GRM7: variants seen among roughly 807,000 people sequenced by gnomAD.
The protein encoded by GRM7 is metabotropic glutamate receptor 7.
In GRM7, 35 loss-of-function variants were observed where a neutral mutation model predicts 84.5. That is an observed-to-expected ratio of 0.41 (90% CI 0.32 to 0.55). The LOEUF is 0.55. Ranked by LOEUF, GRM7 falls within the 20% of genes least tolerant of loss-of-function variation. The pLI is 0.19. For missense variants in GRM7, 1,003 were observed against 1,194.6 expected (o/e 0.84, Z 2.36); for synonymous variants, 487 against 455.1 (o/e 1.07, Z -0.89).
At chr3:7,251,088 T>G (rs1697967312) in intron 2 of GRM7, among the ~76,000 whole-genome samples, 1 of 152,098 alleles carries the variant, frequency 6.6e-6, no homozygotes, top group Admixed American at 6.6e-5. Context: ...TGAAGTGTAT[T>G]CTAAGGCTTG....
At chr3:7,341,480 G>A (rs1023362639) in intron 4 of GRM7, among the ~76,000 whole-genome samples, 4 of 151,374 alleles carry the variant, frequency 2.6e-5, no homozygotes, top group African/African-American at 9.7e-5. Context: ...ACTATTTTAT[G>A]AGCCTTTGCA....
intron 1 of GRM7, among the ~76,000 whole-genome samples, chr3:7,119,385 C>A (rs1349211948): frequency 2.0e-5 from 3 of 152,060 alleles, no homozygotes; most frequent in Admixed American, 6.6e-5. Context: ...TATCAATGAT[C>A]TATTCTTGCT....
chr3:7,591,623 A>G, intron 8 of GRM7: 1 of 344,032 alleles, frequency 2.9e-6, no homozygotes, highest in East Asian at 7.8e-5. Flanking sequence ...GGGAGGTGAC[A>G]GTGCATTATA....
chr3:7,475,172 C>T (rs1399277286), intron 7 of GRM7, among the ~76,000 whole-genome samples: 2 of 152,184 alleles, frequency 1.3e-5, no homozygotes, highest in Non-Finnish European at 2.9e-5. Flanking sequence ...ACAAAGAAGT[C>T]TACGTTTCTC....
intron 1 of GRM7, among the ~76,000 whole-genome samples, chr3:7,096,510 C>A (rs752767927): frequency 2.6e-5 from 4 of 152,078 alleles, no homozygotes; most frequent in Non-Finnish European, 2.9e-5. Flanking sequence ...CCTCTCCCCC[C>A]ACTGTGATGA....
At chr3:7,357,500 C>T (rs1329429068) in intron 4 of GRM7, among the ~76,000 whole-genome samples, 2 of 152,002 alleles carry the variant, frequency 1.3e-5, no homozygotes, top group Non-Finnish European at 2.9e-5. Flanking sequence ...ATATTTTTTC[C>T]TCTAGGTTGT....
intron 2 of GRM7, among the ~76,000 whole-genome samples, chr3:7,173,718 C>A (rs1695057771): frequency 6.6e-6 from 1 of 152,140 alleles, no homozygotes; most frequent in South Asian, 2.1e-4. Context: ...CAGCCCCACC[C>A]CACATTCATT....
intron 1 of GRM7, among the ~76,000 whole-genome samples, chr3:6,865,821 A>G (rs1694919978): frequency 6.6e-6 from 1 of 152,134 alleles, no homozygotes; most frequent in South Asian, 2.1e-4. Context: ...GTGTGGTATT[A>G]CTACGGTGGT....
chr3:7,423,064 G>A (rs764044581), intron 5 of GRM7, among the ~76,000 whole-genome samples: 18 of 152,096 alleles, frequency 1.2e-4, no homozygotes, highest in Non-Finnish European at 4.4e-5. Flanking sequence ...GGACCCTGCA[G>A]TAAATAAATT....
At chr3:7,412,420 C>T (rs891739143) in intron 4 of GRM7, among the ~76,000 whole-genome samples, 1 of 152,170 alleles carries the variant, frequency 6.6e-6, no homozygotes, top group African/African-American at 2.4e-5. Context: ...TGATAGGTTT[C>T]CCTTCATACC....
At chr3:7,272,328 A>G (rs1375982341) in intron 2 of GRM7, among the ~76,000 whole-genome samples, 1 of 152,162 alleles carries the variant, frequency 6.6e-6, no homozygotes, top group Non-Finnish European at 1.5e-5. Context: ...CAATTTAGTG[A>G]TCTTTTTTCT....
At chr3:7,451,888 G>C (rs1486977684) in intron 5 of GRM7, 1 of 152,258 alleles carries the variant, frequency 6.6e-6, no homozygotes, top group East Asian at 1.9e-4. Flanking sequence ...GCCATTGAGG[G>C]ACTCTTAGTG....
chr3:7,572,826 ATATATATATATATATATATATATATATAT>A (rs1559411745), intron 7 of GRM7, among the ~76,000 whole-genome samples: 885 of 62,512 alleles, frequency 0.014, 125 homozygotes, highest in African/African-American at 0.055. Context: ...TATCTCAAAT[ATATATATATATATATATATATATATATAT>A]ATATATATAT....
intron 4 of GRM7, among the ~76,000 whole-genome samples, chr3:7,339,868 C>T (rs576568120): frequency 7.2e-5 from 11 of 152,158 alleles, no homozygotes; most frequent in South Asian, 4.2e-4. Flanking sequence ...TTCCAGTGAC[C>T]GCTGACTGTG....
At chr3:7,024,731 C>T (rs927687532) in intron 1 of GRM7, among the ~76,000 whole-genome samples, 11 of 152,178 alleles carry the variant, frequency 7.2e-5, no homozygotes, top group Non-Finnish European at 7.3e-5. Context: ...ATATCATTTT[C>T]CCGTAACTCT....
chr3:7,042,637 C>A (rs1217922719), intron 1 of GRM7, among the ~76,000 whole-genome samples: 1 of 151,202 alleles, frequency 6.6e-6, no homozygotes, highest in Non-Finnish European at 1.5e-5. Flanking sequence ...GTATTTTTTT[C>A]TTTGGCATTT....
At chr3:7,478,463 GA>G (rs1188743252) in intron 7 of GRM7, among the ~76,000 whole-genome samples, 1 of 152,004 alleles carries the variant, frequency 6.6e-6, no homozygotes, top group East Asian at 1.9e-4. Context: ...GAAGGAGAGA[GA>G]AAAAAGCATG....
intron 1 of GRM7, among the ~76,000 whole-genome samples, chr3:7,084,252 G>A (rs1289800421): frequency 1.3e-5 from 2 of 152,064 alleles, no homozygotes; most frequent in East Asian, 1.9e-4. Flanking sequence ...GTACAGGATG[G>A]CATTTCTCAA....
chr3:6,919,601 T>A (rs1697056538), intron 1 of GRM7, among the ~76,000 whole-genome samples: 1 of 150,902 alleles, frequency 6.6e-6, no homozygotes, highest in African/African-American at 2.4e-5. Flanking sequence ...GATCAGCTAG[T>A]TTTTTCCTCT....
Sources: allele counts gnomAD v4.1 joint callset (sites outside exome capture counted in the v4.1 genomes callset), GRCh38; gene constraint gnomAD v4.1.1; transcripts MANE v1.5; gene names NCBI Gene and HGNC (gene_info 2026-07-23, HGNC 2026-07-21).